The following SPDL1 variants were observed in gnomAD, a reference collection of about 807,000 sequenced individuals.
SPDL1 encodes the protein spindle apparatus coiled-coil protein 1, also known as protein Spindly.
Under a neutral mutation model 79.5 loss-of-function variants are expected in SPDL1, and 85 were observed. That is an observed-to-expected ratio of 1.07 (90% CI 0.90 to 1.28). The LOEUF is 1.28. Ranked by LOEUF, SPDL1 falls within the 50% of genes most tolerant of loss-of-function variation. SPDL1 has a pLI of 0.00. For missense variants in SPDL1, 703 were observed against 697.8 expected (o/e 1.01, Z -0.08); for synonymous variants, 269 against 240.3 (o/e 1.12, Z -1.10).
rs376936288 is a variant in SPDL1 at position 169,598,703 on chromosome 5, A to G, written c.1136+124A>G. The G allele has an allele frequency of 4.0e-5, 40 of 1,010,482 alleles. No individual in the cohort carries two copies. In the Middle Eastern group the frequency reaches 6.3e-4, roughly 16 times the overall value. 62.6% of individuals were successfully genotyped at this position (1,010,482 alleles called of 1,614,324 possible). A position where few individuals can be genotyped will look rare whatever the true frequency, so the allele number is the denominator to read the frequency against. On this transcript the variant is annotated intron_variant, in intron 9 of 11. Transcript: ENST00000265295. ...TTTTCCGAAAAGAAAGGTAACAAAAATATCTTTGTGCAGATATTCATGTGT... is the reference window on the plus strand; with the variant it reads ...TTTTCCGAAAAGAAAGGTAACAAAAGTATCTTTGTGCAGATATTCATGTGT...
At chr5:169,598,373 C>T (rs1363016162) in intron 8 of SPDL1, 103 bp from the exon 9 acceptor site, 1 of 733,130 alleles carries the variant, frequency 1.4e-6, no homozygotes. Context: ...GCGTAGTACG[C>T]CAAGGGATAT....
chr5:169,592,805 C>CT lies in SPDL1; in HGVS notation c.337-527dup, dbSNP rs11301691. ...GAGGTAAGGCTAATTATAGAGATGG[C>CT]TTTTTTTTTTTTTTTTTTTTTTGGT... On this transcript the variant is annotated intron_variant, in intron 3 of 11. Coordinates refer to ENST00000265295, the MANE Select transcript of SPDL1 (RefSeq NM_017785.5). Among the ~76,000 whole-genome samples the CT allele has an allele frequency of 6.3e-3, 534 of 84,954 alleles. 7 individuals are homozygous for CT. The highest frequency in any genetic ancestry group is 0.025 in the South Asian group (51 of 2,064). The allele number at this position is 84,954 out of a possible 152,430, so 55.7% of individuals were successfully genotyped here. A position where few individuals can be genotyped will look rare whatever the true frequency, so the allele number is the denominator to read the frequency against.
At chr5:169,593,263 TTCAG>T in intron 3 of SPDL1, 87 bp from the exon 4 acceptor site, 1 of 1,130,456 alleles carries the variant, frequency 8.8e-7, no homozygotes, top group Non-Finnish European at 1.2e-6. Flanking sequence ...AGTATCATCA[TTCAG>T]TAAGTTTGGT....
intron 8 of SPDL1, 39 bp downstream of exon 8, chr5:169,596,740 G>C (rs2113369586): frequency 6.7e-7 from 1 of 1,499,096 alleles, no homozygotes; most frequent in Non-Finnish European, 8.9e-7. Context: ...TCCAAATTTT[G>C]ATTTGAATAT....
chr5:169,586,632 T>G (rs952660406), intron 1 of SPDL1, among the ~76,000 whole-genome samples: 31 of 152,362 alleles, frequency 2.0e-4, no homozygotes, highest in South Asian at 6.2e-4. Flanking sequence ...TTTTACTAGG[T>G]GCTCAGGCCA....
At position 169,583,883 on chromosome 5, in the gene SPDL1, G is replaced by A. The variant is rs1461643244; in HGVS notation, c.-30G>A. ...CTGGCTGCGGCAGCAGGGGACTAGC[G>A]TGAGAGGTAGGGGCAAGGGGCCTGG... On this transcript the variant is annotated 5_prime_UTR_variant, in exon 1 of 12. It adds an upstream start codon to the 5' untranslated region. Coordinates refer to ENST00000265295, the MANE Select transcript of SPDL1 (RefSeq NM_017785.5). 6.6e-6 allele frequency: 1 copy of A among 152,518 alleles called. No individual in the cohort carries two copies. The highest frequency in any genetic ancestry group is 1.5e-5 in the Non-Finnish European group (1 of 68,232). 9.4% of individuals were successfully genotyped at this position (152,518 alleles called of 1,614,324 possible). A position where few individuals can be genotyped will look rare whatever the true frequency, so the allele number is the denominator to read the frequency against.
chr5:169,590,927 G>C (rs371203053), intron 2 of SPDL1, 121 bp from the exon 3 acceptor site: 5 of 885,580 alleles, frequency 5.6e-6, no homozygotes, highest in African/African-American at 3.3e-5. Context: ...ACATGTCTTC[G>C]TTATTTGGAA....
chr5:169,590,962 T>A, intron 2 of SPDL1, 86 bp from the exon 3 acceptor site: 1 of 1,125,716 alleles, frequency 8.9e-7, no homozygotes, highest in Non-Finnish European at 1.3e-6. Context: ...GAAATAAGAA[T>A]GAAACAATTG....
intron 1 of SPDL1, among the ~76,000 whole-genome samples, chr5:169,587,607 A>G (rs1755053406): frequency 6.6e-6 from 1 of 152,228 alleles, no homozygotes; most frequent in South Asian, 2.1e-4. Context: ...TATATTCAGG[A>G]AGTTAACACT....
rs1212388746 is a variant in SPDL1 at position 169,604,778 on chromosome 5, A to G, written c.*571A>G. 1.3e-5 allele frequency: 2 copies of G among 152,196 alleles called. No individual in the cohort carries two copies. Among genetic ancestry groups the G allele is most frequent in the African/African-American group, 4.8e-5 (2 of 41,434 alleles). 9.4% of individuals were successfully genotyped at this position (152,196 alleles called of 1,614,324 possible). A position where few individuals can be genotyped will look rare whatever the true frequency, so the allele number is the denominator to read the frequency against. ...TAAAACTGCAGTGATTTATCCTTAA[A>G]TTTCTTACTCTCTATAGGTAACAGG... On this transcript the variant is annotated 3_prime_UTR_variant, in exon 12 of 12. Coordinates refer to ENST00000265295, the MANE Select transcript of SPDL1 (RefSeq NM_017785.5).
Position 169,599,005 on chromosome 5 carries a change from C to A in SPDL1, c.1170C>A (p.Ser390=). The A allele has an allele frequency of 1.3e-6, 2 of 1,569,454 alleles. No homozygotes were observed. The highest frequency in any genetic ancestry group is 1.2e-5 in the South Asian group (1 of 85,094). Residue 390 remains serine (S), a synonymous_variant, in exon 10 of 12, where the codon TCC becomes TCA. Coordinates refer to ENST00000265295, the MANE Select transcript of SPDL1 (RefSeq NM_017785.5). ...TTGAAAGCACTAAAGGTGAATTGTC[C>A]ATACAGCGAATGAAAGCATTATTTG... is the stretch of plus-strand genomic sequence containing the variant. ...KEIESTKGEL[S]IQRMKALFES...
chr5:169,603,711 G>A (rs566822648), intron 11 of SPDL1, among the ~76,000 whole-genome samples: 1 of 152,198 alleles, frequency 6.6e-6, no homozygotes, highest in South Asian at 2.1e-4. Flanking sequence ...AAAATTAGCT[G>A]CATGTGGGGG....
At chr5:169,591,015 ATGTAATTGAAT>A in intron 2 of SPDL1, 22 bp from the exon 3 acceptor site, 1 of 1,556,058 alleles carries the variant, frequency 6.4e-7, no homozygotes. Flanking sequence ...GGCTATTTTT[ATGTAATTGAAT>A]TGTAATTGAA....
chr5:169,594,685 T>C lies in SPDL1; in HGVS notation c.891+4T>C, dbSNP rs755606268. 4 of 1,596,862 alleles carry C rather than the reference T, an allele frequency of 2.5e-6. No homozygotes were observed. Among genetic ancestry groups the C allele is most frequent in the Middle Eastern group, 1.7e-4 (1 of 6,020 alleles). On this transcript the variant is annotated splice_donor_region_variant and intron_variant, in intron 7 of 11. Transcript: ENST00000265295. ...AGAACAGATGCAGAGAATGAAGGTA[T>C]AGAACTTTCACTATCAAAGGTTTAT...
intron 4 of SPDL1, among the ~76,000 whole-genome samples, chr5:169,593,844 C>T (rs17558436): frequency 0.053 from 8,123 of 152,174 alleles, 249 homozygotes; most frequent in Non-Finnish European, 0.058. Context: ...CAGTGTAAAA[C>T]GTTGGCTCAG....
In SPDL1 at chr5:169,601,591, A is replaced by G; in HGVS notation, c.1636A>G (p.Ser546Gly). ...AGTTCCCGCTGACGCTGAGGCCTTA[A>G]GTGAAAGAAGTGGAAACACCCCTAA... The part of the protein sequence containing the change: ...IGVPADAEAL[S>G]ERSGNTPNSP... The change falls in exon 11 of 12, where the codon AGT (serine) becomes GGT (glycine). Residue 546 changes from serine to glycine, a missense_variant. By Grantham distance (56) the Ser-to-Gly change is moderately conservative. Transcript: ENST00000265295. 1 of 1,614,192 alleles carries G rather than the reference A, an allele frequency of 6.2e-7. No homozygotes were observed. The highest frequency in any genetic ancestry group is 8.5e-7 in the Non-Finnish European group (1 of 1,180,038).
Position 169,601,301 on chromosome 5 carries a change from TGA to T in SPDL1, c.1347_1348del (p.Lys451GlufsTer3). On this transcript the variant is annotated frameshift_variant, in exon 11 of 12. Coordinates refer to ENST00000265295, the MANE Select transcript of SPDL1 (RefSeq NM_017785.5). LOFTEE classifies it high-confidence loss of function. ...TCAGAGACAGTTGAAGTGCCTGTAC[TGA>T]AAAAGAGGCGTGAGGTGCTCCCTGT... 1 of 1,611,070 alleles carries T rather than the reference TGA, an allele frequency of 6.2e-7. No individual in the cohort carries two copies.
intron 3 of SPDL1, 76 bp downstream of exon 3, chr5:169,591,300 T>G: frequency 6.8e-7 from 1 of 1,478,442 alleles, no homozygotes; most frequent in Non-Finnish European, 9.1e-7. Flanking sequence ...ATGATAAAGA[T>G]TTTCTTAAGT....
In SPDL1 at chr5:169,589,939, G is replaced by A. The variant is rs116538495; in HGVS notation, c.160-1109G>A. Reference sequence around the variant, plus strand: ...GCTGGTCTTGAACTCCTGGCTTCACGTAATCTGCCTGCCGAAGTGCTGGGA... The same window carrying A: ...GCTGGTCTTGAACTCCTGGCTTCACATAATCTGCCTGCCGAAGTGCTGGGA... On this transcript the variant is annotated intron_variant, in intron 2 of 11. Transcript: ENST00000265295. Among the ~76,000 whole-genome samples the A allele has an allele frequency of 5.7e-3, 867 of 152,184 alleles. 14 individuals are homozygous for A. The highest frequency in any genetic ancestry group is 0.02 in the African/African-American group (841 of 41,500).
Sources: allele counts gnomAD v4.1 joint callset (sites outside exome capture counted in the v4.1 genomes callset), GRCh38; gene constraint gnomAD v4.1.1; transcripts MANE v1.5; gene names NCBI Gene and HGNC (gene_info 2026-07-23, HGNC 2026-07-21).